Variants in DGLUCY observed in about 807,000 individuals in gnomAD.
The protein encoded by DGLUCY is D-glutamate cyclase, mitochondrial.
DGLUCY carries 58 observed loss-of-function variants against 58.5 expected under a neutral mutation model. That is an observed-to-expected ratio of 0.99 (90% CI 0.80 to 1.23). The LOEUF is 1.23. Ranked by LOEUF, DGLUCY falls within the 50% of genes most tolerant of loss-of-function variation. The pLI, the probability that DGLUCY is intolerant of heterozygous loss-of-function variation, is 0.00. For synonymous variants in DGLUCY, 325 were observed against 314.1 expected, an observed-to-expected ratio of 1.03 and a Z score of -0.37; for missense variants, 779 against 784.7, an observed-to-expected ratio of 0.99 and a Z score of 0.09.
chr14:91,093,204 TTA>T (rs2044342074), intron 1 of DGLUCY, among the ~76,000 whole-genome samples: 1 of 152,172 alleles, frequency 6.6e-6, no homozygotes, highest in South Asian at 2.1e-4. Context: ...GATATAATAA[TTA>T]ATAATATATT....
At chr14:91,220,337 T>C in intron 13 of DGLUCY, 1 of 378,832 alleles carries the variant, frequency 2.6e-6, no homozygotes, top group South Asian at 1.9e-5. Flanking sequence ...GCACCTGGCA[T>C]AGTATCTGGC....
chr14:91,111,427 C>T (rs1055538551), upstream of DGLUCY, among the ~76,000 whole-genome samples: 3 of 151,908 alleles, frequency 2.0e-5, no homozygotes, highest in East Asian at 1.9e-4. Context: ...GGATTACAAG[C>T]GCACACTACC....
chr14:91,084,241 T>C (rs1412249583), intron 1 of DGLUCY, among the ~76,000 whole-genome samples: 6 of 150,664 alleles, frequency 4.0e-5, no homozygotes, highest in Non-Finnish European at 8.9e-5. Context: ...TCTTGCTCTG[T>C]CACCCGGGCT....
intron 10 of DGLUCY, among the ~76,000 whole-genome samples, chr14:91,196,692 T>A (rs1289107851): frequency 7.2e-6 from 1 of 139,520 alleles, no homozygotes; most frequent in Non-Finnish European, 1.5e-5. Flanking sequence ...AACAGGTCCC[T>A]GGGCAGCAGA....
At chr14:91,141,509 CATT>C (rs1389020513) in intron 1 of DGLUCY, among the ~76,000 whole-genome samples, 1 of 151,606 alleles carries the variant, frequency 6.6e-6, no homozygotes, top group Non-Finnish European at 1.5e-5. Flanking sequence ...GACTGTTCAG[CATT>C]ACCTTCACAC....
rs372304977 is a variant in DGLUCY at position 91,204,700 on chromosome 14, C to T, written c.1445-6C>T. The stretch of plus-strand genomic sequence containing the variant: ...CGTGCACTGACTCAGCTCCCCTTCC[C>T]TTCAGGAGTCGGTGATGGAGGCAAC... On this transcript the variant is annotated splice_polypyrimidine_tract_variant and splice_region_variant and intron_variant, in intron 11 of 13. Transcript: ENST00000256324. 174 of 1,613,558 alleles carry T rather than the reference C, an allele frequency of 1.1e-4. No homozygotes were observed. Among genetic ancestry groups the T allele is most frequent in the Admixed American group, 2.0e-4 (12 of 59,990 alleles).
intron 1 of DGLUCY, among the ~76,000 whole-genome samples, chr14:91,121,146 T>G (rs2045334143): frequency 6.6e-6 from 1 of 152,230 alleles, no homozygotes; most frequent in South Asian, 2.1e-4. Flanking sequence ...TCAAAGCTCA[T>G]GCAATGTCTC....
intron 1 of DGLUCY, chr14:91,060,711 G>A (rs2043642357): frequency 6.3e-6 from 2 of 317,154 alleles, no homozygotes; most frequent in African/African-American, 2.1e-5. Context: ...CAAGGTAAGG[G>A]AGCCATTCGA....
intron 1 of DGLUCY, among the ~76,000 whole-genome samples, chr14:91,123,481 A>G (rs1015437711): frequency 6.3e-5 from 3 of 47,778 alleles, no homozygotes; most frequent in African/African-American, 4.3e-4. Flanking sequence ...AGGTGGAGAC[A>G]GTTAAAAAAA....
chr14:91,095,101 G>GC (rs896670177), intron 1 of DGLUCY, among the ~76,000 whole-genome samples: 27 of 151,712 alleles, frequency 1.8e-4, no homozygotes, highest in Admixed American at 1.5e-3. Context: ...AATTCCCCCT[G>GC]CCCCCCCAGT....
At chr14:91,200,678 G>C (rs1434550423) in intron 11 of DGLUCY, among the ~76,000 whole-genome samples, 1 of 152,062 alleles carries the variant, frequency 6.6e-6, no homozygotes, top group Admixed American at 6.6e-5. Flanking sequence ...CTGGGCTCAA[G>C]CAATCCTCCC....
chr14:91,101,372 T>C (rs1344153970), intron 1 of DGLUCY, among the ~76,000 whole-genome samples: 3 of 152,186 alleles, frequency 2.0e-5, no homozygotes, highest in African/African-American at 7.2e-5. Context: ...AGAAACCTTA[T>C]GTAAGTGGAA....
chr14:91,072,681 C>T (rs2043942935), intron 1 of DGLUCY, among the ~76,000 whole-genome samples: 1 of 151,586 alleles, frequency 6.6e-6, no homozygotes, highest in Non-Finnish European at 1.5e-5. Context: ...ACAAAACTTC[C>T]TCATGGTGCT....
At chr14:91,188,889 A>G in intron 8 of DGLUCY, 21 bp from the exon 9 acceptor site, 2 of 1,600,766 alleles carry the variant, frequency 1.2e-6, no homozygotes, top group Middle Eastern at 1.7e-4. Flanking sequence ...TTACTTTTAC[A>G]TTCTATTTTT....
At chr14:91,221,459 A>G (rs1887484806) in intron 13 of DGLUCY, among the ~76,000 whole-genome samples, 1 of 151,352 alleles carries the variant, frequency 6.6e-6, no homozygotes, top group Non-Finnish European at 1.5e-5. Context: ...TGATGGATGT[A>G]TGGGTGGATG....
At chr14:91,105,624 A>G (rs17261134), upstream of DGLUCY, among the ~76,000 whole-genome samples, 7,407 of 152,288 alleles carry the variant, frequency 0.049, 542 homozygotes, top group Admixed American at 0.19. Flanking sequence ...TTAAGAGACC[A>G]GTAGTTGCCA....
intron 12 of DGLUCY, 164 bp downstream of exon 12, chr14:91,204,989 C>A: frequency 1.1e-6 from 1 of 913,076 alleles, no homozygotes; most frequent in East Asian, 2.8e-5. Flanking sequence ...TTCAGTCATT[C>A]AACAAACATT....
intron 1 of DGLUCY, among the ~76,000 whole-genome samples, chr14:91,133,112 G>A (rs1158983063): frequency 2.0e-5 from 3 of 152,052 alleles, no homozygotes; most frequent in Admixed American, 6.6e-5. Context: ...TGGCCAACAT[G>A]GTGAAACCCC....
At chr14:91,102,888 A>C (rs955719020) in intron 1 of DGLUCY, among the ~76,000 whole-genome samples, 4 of 151,524 alleles carry the variant, frequency 2.6e-5, no homozygotes, top group Non-Finnish European at 5.9e-5. Context: ...CAGCCTCCCA[A>C]GTAGCTGGGA....
Sources: gnomAD v4.1 joint callset for allele counts (sites outside exome capture counted in the v4.1 genomes callset) on GRCh38, gnomAD v4.1.1 for gene constraint, MANE v1.5 for transcripts, NCBI Gene and HGNC (gene_info 2026-07-23, HGNC 2026-07-21) for gene names.